The following SCOC variants were observed in gnomAD, a reference collection of about 807,000 sequenced individuals.
The protein encoded by SCOC is short coiled coil protein.
A neutral mutation model predicts 9.9 loss-of-function variants in SCOC; 7 were observed. The ratio of observed to expected loss-of-function variants is 0.71; its 90% confidence interval spans 0.40 to 1.33. The LOEUF (loss-of-function observed/expected upper bound fraction) is 1.33, where lower values mean the gene tolerates loss of function less well. Ranked by LOEUF, SCOC falls within the 40% of genes most tolerant of loss-of-function variation. SCOC has a pLI of 0.01. For synonymous variants in SCOC, 19 were observed against 28.2 expected (o/e 0.67, Z 1.03); for missense variants, 66 against 89.7 (o/e 0.74, Z 1.07).
chr4:140,377,440 G>A (rs1404291683), intron 1 of SCOC, among the ~76,000 whole-genome samples: 2 of 152,202 alleles, frequency 1.3e-5, no homozygotes, highest in East Asian at 1.9e-4. Flanking sequence ...TTTAAATGCG[G>A]TTTAGATAAG....
intron 1 of SCOC, among the ~76,000 whole-genome samples, chr4:140,375,453 A>G (rs1470451064): frequency 2.0e-5 from 3 of 152,208 alleles, no homozygotes; most frequent in Non-Finnish European, 4.4e-5. Flanking sequence ...TCCAGAGCTT[A>G]TAAATTGCAG....
chr4:140,376,173 T>C (rs1403696935), intron 1 of SCOC, among the ~76,000 whole-genome samples: 3 of 152,216 alleles, frequency 2.0e-5, no homozygotes, highest in Non-Finnish European at 4.4e-5. Context: ...TGGGGATCAA[T>C]ACTATTTTAA....
intron 1 of SCOC, among the ~76,000 whole-genome samples, chr4:140,281,807 C>T (rs1032653568): frequency 1.1e-4 from 17 of 152,304 alleles, no homozygotes; most frequent in South Asian, 4.1e-4. Flanking sequence ...CAATCAGCAA[C>T]GGAAGAGCCT....
chr4:140,306,599 G>T (rs1731995157), intron 1 of SCOC, among the ~76,000 whole-genome samples: 1 of 152,074 alleles, frequency 6.6e-6, no homozygotes, highest in South Asian at 2.1e-4. Flanking sequence ...AACACTGGAG[G>T]CCTGGTGTGA....
chr4:140,375,669 A>G (rs1290183109), intron 1 of SCOC, among the ~76,000 whole-genome samples: 2 of 152,328 alleles, frequency 1.3e-5, no homozygotes, highest in East Asian at 1.9e-4. Context: ...TCTTGTCCCA[A>G]TGTTTGCCAC....
chr4:140,290,992 C>T (rs1731453947), intron 1 of SCOC, among the ~76,000 whole-genome samples: 1 of 152,182 alleles, frequency 6.6e-6, no homozygotes, highest in Admixed American at 6.5e-5. Context: ...AACCTTGTTC[C>T]AGAACCCCAG....
In SCOC at chr4:140,383,886, C is replaced by A. The variant is rs1322963592; in HGVS notation, c.*2782C>A. ...TATTTTTGCCTTTCTTTAATGGAGG[C>A]TATCTTGAGATCAACTAAAAATAAG... On this transcript the variant is annotated 3_prime_UTR_variant, in exon 4 of 4. Coordinates refer to ENST00000608372, the MANE Select transcript of SCOC (RefSeq NM_001153484.2). The A allele has an allele frequency of 6.6e-6, 1 of 152,202 alleles. No individual in the cohort carries two copies. 9.4% of individuals were successfully genotyped at this position (152,202 alleles called of 1,614,324 possible).
At chr4:140,274,126 A>G (rs1730924115) in intron 1 of SCOC, among the ~76,000 whole-genome samples, 2 of 152,252 alleles carry the variant, frequency 1.3e-5, no homozygotes, top group Non-Finnish European at 2.9e-5. Flanking sequence ...TTCCTAAGCT[A>G]CTATGTATCA....
intron 1 of SCOC, among the ~76,000 whole-genome samples, chr4:140,280,940 A>G (rs1311373668): frequency 6.6e-6 from 1 of 152,230 alleles, no homozygotes. Context: ...ACGGAGGCAG[A>G]TGGAGGTCAA....
At chr4:140,312,304 A>AT (rs1732179701) in intron 1 of SCOC, among the ~76,000 whole-genome samples, 1 of 152,158 alleles carries the variant, frequency 6.6e-6, no homozygotes, top group African/African-American at 2.4e-5. Context: ...TCGTTCACTG[A>AT]TCAAGCTTGA....
intron 1 of SCOC, among the ~76,000 whole-genome samples, chr4:140,310,843 G>C (rs1512172): frequency 0.4 from 60,084 of 152,034 alleles, 14,323 homozygotes; most frequent in African/African-American, 0.67. Flanking sequence ...GGGGTTAGGA[G>C]CCAGCTCTGC....
At chr4:140,358,004 T>C (rs1033256190) in intron 2 of SCOC, among the ~76,000 whole-genome samples, 7 of 152,100 alleles carry the variant, frequency 4.6e-5, no homozygotes, top group African/African-American at 1.7e-4. Flanking sequence ...CTGTCTTCCT[T>C]CCCTTCCTTT....
Position 140,382,362 on chromosome 4 carries a change from G to A in SCOC, c.*1258G>A, listed in dbSNP as rs1349885594. On this transcript the variant is annotated 3_prime_UTR_variant, in exon 4 of 4. Coordinates refer to ENST00000608372, the MANE Select transcript of SCOC (RefSeq NM_001153484.2). ...AAGAGATCCACTAATGTAGCTTAAG[G>A]TTATTAGATTTGGGCTTTTAATCAT... The A allele has an allele frequency of 4.6e-5, 7 of 152,714 alleles. No individual in the cohort carries two copies. The highest frequency in any genetic ancestry group is 8.8e-5 in the Non-Finnish European group (6 of 68,024). 9.5% of individuals were successfully genotyped at this position (152,714 alleles called of 1,614,324 possible).
At chr4:140,302,394 G>C (rs1017298622) in intron 1 of SCOC, among the ~76,000 whole-genome samples, 24 of 152,142 alleles carry the variant, frequency 1.6e-4, no homozygotes, top group African/African-American at 5.3e-4. Context: ...TTGCCAAAAA[G>C]TATTGAGGAT....
intron 1 of SCOC, among the ~76,000 whole-genome samples, chr4:140,306,214 G>T (rs1226100055): frequency 6.6e-6 from 1 of 152,128 alleles, no homozygotes; most frequent in Non-Finnish European, 1.5e-5. Context: ...AGCTTGTGTA[G>T]GGGAACTCCC....
intron 1 of SCOC, among the ~76,000 whole-genome samples, chr4:140,378,787 A>G (rs1392682766): frequency 6.6e-6 from 1 of 152,152 alleles, no homozygotes; most frequent in Non-Finnish European, 1.5e-5. Context: ...TCTTATTATC[A>G]TACTGCTTTC....
intron 1 of SCOC, among the ~76,000 whole-genome samples, chr4:140,262,167 C>T (rs1198721957): frequency 6.6e-6 from 1 of 152,092 alleles, no homozygotes; most frequent in South Asian, 2.1e-4. Flanking sequence ...TGACCAGGGT[C>T]TCTATTAGAC....
At chr4:140,358,759 T>C (rs746519809) in intron 2 of SCOC, among the ~76,000 whole-genome samples, 2 of 152,204 alleles carry the variant, frequency 1.3e-5, no homozygotes, top group African/African-American at 2.4e-5. Flanking sequence ...GATTCTGAAA[T>C]AGAAAATTCC....
At chr4:140,373,629 T>TGGGCGGAGC, upstream of SCOC, 1 of 1,551,252 alleles carries the variant, frequency 6.4e-7, no homozygotes. Context: ...GTGGGCGGAG[T>TGGGCGGAGC]GGGCGGAGCT....
Sources: gnomAD v4.1 joint callset for allele counts (sites outside exome capture counted in the v4.1 genomes callset) on GRCh38, gnomAD v4.1.1 for gene constraint, MANE v1.5 for transcripts, NCBI Gene and HGNC (gene_info 2026-07-23, HGNC 2026-07-21) for gene names.